Variants in SH3GL2 observed in about 807,000 individuals in gnomAD.
SH3GL2 encodes SH3 domain containing GRB2 like 2, endophilin A1.
SH3GL2 carries 24 observed loss-of-function variants against 46.0 expected under a neutral mutation model. The observed-to-expected ratio is 0.52, with a 90% confidence interval of 0.38 to 0.73. The LOEUF (loss-of-function observed/expected upper bound fraction) is 0.73. SH3GL2 is among the 30% of genes least tolerant of loss of function. The pLI is 0.00. For missense variants in SH3GL2, 413 were observed against 424.2 expected (o/e 0.97, Z 0.23); for synonymous variants, 196 against 147.1 (o/e 1.33, Z -2.40).
At chr9:17,760,545 T>C (rs1823140962) in intron 2 of SH3GL2, among the ~76,000 whole-genome samples, 1 of 152,252 alleles carries the variant, frequency 6.6e-6, no homozygotes, top group East Asian at 1.9e-4. Flanking sequence ...AAGTTTCTCA[T>C]AGTTGAAGGG....
chr9:17,600,362 G>A (rs1192932872), intron 1 of SH3GL2, among the ~76,000 whole-genome samples: 1 of 152,202 alleles, frequency 6.6e-6, no homozygotes, highest in East Asian at 1.9e-4. Flanking sequence ...AGATGTCAAA[G>A]ACAGGAATGT....
At chr9:17,744,693 C>G (rs188663343) in intron 1 of SH3GL2, among the ~76,000 whole-genome samples, 3 of 152,086 alleles carry the variant, frequency 2.0e-5, no homozygotes, top group Non-Finnish European at 4.4e-5. Flanking sequence ...TGAATTCTAA[C>G]CCCCGCACCC....
intron 1 of SH3GL2, among the ~76,000 whole-genome samples, chr9:17,600,646 C>G (rs896632237): frequency 7.2e-5 from 11 of 152,176 alleles, no homozygotes; most frequent in African/African-American, 2.4e-4. Context: ...ATGCTGATTT[C>G]AGAACTACAA....
intron 3 of SH3GL2, among the ~76,000 whole-genome samples, chr9:17,782,662 T>TC (rs1823843917): frequency 6.6e-6 from 1 of 152,180 alleles, no homozygotes; most frequent in Non-Finnish European, 1.5e-5. Context: ...ATCAGCAGCC[T>TC]CTAGTGCCAT....
At chr9:17,585,472 A>G (rs1474776817) in intron 1 of SH3GL2, among the ~76,000 whole-genome samples, 1 of 152,106 alleles carries the variant, frequency 6.6e-6, no homozygotes, top group Admixed American at 6.5e-5. Flanking sequence ...TGTAGCCACA[A>G]GAGGGGACAT....
intron 1 of SH3GL2, among the ~76,000 whole-genome samples, chr9:17,612,561 A>G (rs189696367): frequency 3.9e-4 from 59 of 152,296 alleles, no homozygotes; most frequent in African/African-American, 1.4e-3. Context: ...GAGGAGAGGA[A>G]GGGGTGCATG....
chr9:17,627,633 A>G (rs1054528572), intron 1 of SH3GL2, among the ~76,000 whole-genome samples: 1 of 152,230 alleles, frequency 6.6e-6, no homozygotes, highest in Admixed American at 6.5e-5. Context: ...AATATAGTAA[A>G]TTAAAAAATA....
At chr9:17,746,297 C>T (rs1022744119) in intron 1 of SH3GL2, among the ~76,000 whole-genome samples, 11 of 152,134 alleles carry the variant, frequency 7.2e-5, no homozygotes, top group Non-Finnish European at 1.6e-4. Context: ...AGGATGGTCT[C>T]AATCTCCTGA....
Position 17,795,841 on chromosome 9 carries a change from G to T in SH3GL2, c.*98G>T. The T allele has an allele frequency of 1.0e-6, 1 of 967,306 alleles. No individual in the cohort carries two copies. The highest frequency in any genetic ancestry group is 1.6e-6 in the Non-Finnish European group (1 of 639,148). 59.9% of individuals were successfully genotyped at this position (967,306 alleles called of 1,614,324 possible). ...TTATAACACATCCCAAGTGCAGGCCGCAGTGGTCCACGTCATCCAGCCCCA... is the reference window on the plus strand; with the variant it reads ...TTATAACACATCCCAAGTGCAGGCCTCAGTGGTCCACGTCATCCAGCCCCA... On this transcript the variant is annotated 3_prime_UTR_variant, in exon 9 of 9. Transcript: ENST00000380607.
intron 1 of SH3GL2, among the ~76,000 whole-genome samples, chr9:17,603,452 G>A (rs1232681079): frequency 2.6e-5 from 4 of 152,194 alleles, no homozygotes; most frequent in Non-Finnish European, 4.4e-5. Context: ...TAGACAGAAA[G>A]TAGAACAGTG....
At position 17,796,645 on chromosome 9, in the gene SH3GL2, G is replaced by A. The variant is rs1824280172; in HGVS notation, c.*902G>A. The A allele has an allele frequency of 6.6e-6, 1 of 152,628 alleles. No individual in the cohort carries two copies. Among genetic ancestry groups the A allele is most frequent in the South Asian group, 2.1e-4 (1 of 4,834 alleles). The allele number at this position is 152,628 out of a possible 1,614,324, so 9.5% of individuals were successfully genotyped here. ...CAGAGACACAAGGAAGAAAACACTA[G>A]TAACCATCTTTCCACTAGTTCATAT... On this transcript the variant is annotated 3_prime_UTR_variant, in exon 9 of 9. Transcript: ENST00000380607.
intron 1 of SH3GL2, among the ~76,000 whole-genome samples, chr9:17,681,405 G>T (rs796894062): frequency 6.6e-6 from 1 of 152,006 alleles, no homozygotes; most frequent in African/African-American, 2.4e-5. Flanking sequence ...CAAAAATACA[G>T]GCACATTTCT....
At chr9:17,652,954 C>G (rs533788444) in intron 1 of SH3GL2, among the ~76,000 whole-genome samples, 2 of 152,094 alleles carry the variant, frequency 1.3e-5, no homozygotes, top group Non-Finnish European at 2.9e-5. Context: ...TCCTCTTGGT[C>G]CTTTATAATG....
intron 1 of SH3GL2, among the ~76,000 whole-genome samples, chr9:17,648,394 A>G (rs1819878031): frequency 1.3e-5 from 2 of 152,178 alleles, no homozygotes; most frequent in South Asian, 2.1e-4. Context: ...GAAGAGTAAA[A>G]TGTTGGGTTG....
Position 17,699,348 on chromosome 9 carries a change from C to A in SH3GL2, c.46-47718C>A, listed in dbSNP as rs532766739. 3.8e-4 allele frequency among the ~76,000 whole-genome samples: 58 copies of A among 152,220 alleles called. 1 individual carries two copies. Among genetic ancestry groups the A allele is most frequent in the African/African-American group, 1.2e-3 (48 of 41,530 alleles). On this transcript the variant is annotated intron_variant, in intron 1 of 8. Coordinates refer to ENST00000380607, the MANE Select transcript of SH3GL2 (RefSeq NM_003026.5). ...TCAAGGTGAAGGAAACAAGCAGTCA[C>A]AGCTTATATTTTTCCAAACTAAATT...
intron 1 of SH3GL2, among the ~76,000 whole-genome samples, chr9:17,626,414 C>T (rs573783307): frequency 4.6e-5 from 7 of 152,316 alleles, no homozygotes; most frequent in African/African-American, 1.7e-4. Flanking sequence ...AGAGGTGTGG[C>T]TTCATTAAGG....
intron 5 of SH3GL2, 138 bp from the exon 6 acceptor site, chr9:17,789,254 T>A (rs1383153006): frequency 1.5e-6 from 1 of 649,520 alleles, no homozygotes; most frequent in African/African-American, 1.8e-5. Flanking sequence ...GCATGTTTCT[T>A]TATTTCTCTG....
intron 1 of SH3GL2, among the ~76,000 whole-genome samples, chr9:17,595,464 A>G (rs10113874): frequency 0.71 from 108,321 of 152,076 alleles, 38,983 homozygotes; most frequent in Non-Finnish European, 0.76. Context: ...AAGAACATGG[A>G]TCCCCGTTTA....
chr9:17,792,912 T>G (rs1824174160), intron 7 of SH3GL2, among the ~76,000 whole-genome samples: 1 of 152,192 alleles, frequency 6.6e-6, no homozygotes, highest in Non-Finnish European at 1.5e-5. Context: ...TTTTTAAAAT[T>G]GAAAAAATTG....
Sources: allele counts gnomAD v4.1 joint callset (sites outside exome capture counted in the v4.1 genomes callset), GRCh38; gene constraint gnomAD v4.1.1; transcripts MANE v1.5; gene names NCBI Gene and HGNC (gene_info 2026-07-23, HGNC 2026-07-21).